The following HUWE1 variants were observed in gnomAD, a reference collection of about 807,000 sequenced individuals.
The protein encoded by HUWE1 is HECT, UBA and WWE domain containing E3 ubiquitin protein ligase 1.
Under a neutral mutation model 299.4 loss-of-function variants are expected in HUWE1, and 18 were observed. The observed-to-expected ratio is 0.06, with a 90% CI of 0.04 to 0.09. The LOEUF is 0.09. HUWE1 is among the 10% of genes least tolerant of loss of function. The pLI is 1.00. For missense variants in HUWE1, 1,832 were observed against 3,462.3 expected (o/e 0.53, Z 11.82); for synonymous variants, 1,317 against 1,286.1 (o/e 1.02, Z -0.51).
chrX:53,625,934 G>A, intron 17 of HUWE1: 1 of 384,680 alleles, frequency 2.6e-6, no homozygotes, highest in Non-Finnish European at 5.2e-6. Flanking sequence ...CAGAAGAGAT[G>A]TTAGTGCTGC....
chrX:53,542,507 C>T lies in HUWE1; in HGVS notation c.11412G>A (p.Arg3804=). 8.3e-7 allele frequency: 1 copy of T among 1,203,293 alleles called. No individual in the cohort carries two copies. The highest frequency in any genetic ancestry group is 3.0e-5 in the East Asian group (1 of 33,812). ...SESSQSEASV[R]REESPMDVDQ... is the part of the protein sequence containing the mutation. ...CCACATCCATGGGTGATTCCTCCCT[C>T]CGGACAGACGCCTCTGACTGGCTAG... is the stretch of plus-strand genomic sequence containing the variant. The change falls in exon 74 of 84, where the codon CGG becomes CGA. Residue 3804 remains arginine (R), a synonymous_variant. Transcript: ENST00000262854.
At chrX:53,585,827 T>C (rs1569472442) in intron 39 of HUWE1, among the ~76,000 whole-genome samples, 1 of 111,140 alleles carries the variant, frequency 9.0e-6, no homozygotes, top group East Asian at 2.8e-4. Context: ...GCTGGGACCA[T>C]AGGCACACAC....
rs1276841225 is a variant in HUWE1, at chrX:53,686,683, C to T, written c.-357G>A. The T allele has an allele frequency of 8.1e-6, 1 of 123,282 alleles. No individual in the cohort carries two copies. Among genetic ancestry groups the T allele is most frequent in the African/African-American group, 3.2e-5 (1 of 31,035 alleles). The allele number at this position is 123,282 out of a possible 1,213,427, so 10.2% of individuals were successfully genotyped here. ...AGCCCTGCTCCAGCCCTGCTCCAGCCCTGCTCCAGCCCTGCTCCCCTCGCT... is the reference window on the plus strand; with the variant it reads ...AGCCCTGCTCCAGCCCTGCTCCAGCTCTGCTCCAGCCCTGCTCCCCTCGCT... On this transcript the variant is annotated 5_prime_UTR_variant, in exon 1 of 84. Coordinates refer to ENST00000262854, the MANE Select transcript of HUWE1 (RefSeq NM_031407.7).
chrX:53,621,582 C>T (rs1469487562), intron 19 of HUWE1, among the ~76,000 whole-genome samples: 2 of 107,949 alleles, frequency 1.9e-5, no homozygotes, highest in Non-Finnish European at 3.8e-5. Flanking sequence ...CTTGTAACTG[C>T]CCCCACATAA....
intron 74 of HUWE1, among the ~76,000 whole-genome samples, chrX:53,540,633 T>C (rs1161281725): frequency 2.7e-5 from 3 of 112,559 alleles, no homozygotes; most frequent in African/African-American, 9.7e-5. Context: ...GGCCTTCTAA[T>C]GCCTTCTAAA....
intron 3 of HUWE1, among the ~76,000 whole-genome samples, chrX:53,661,596 A>G (rs1430986785): frequency 8.9e-6 from 1 of 111,835 alleles, no homozygotes; most frequent in Non-Finnish European, 1.9e-5. Flanking sequence ...CCATAAAAAT[A>G]AGTTAGTTTG....
chrX:53,540,331 CTT>C (rs112801686), intron 74 of HUWE1, among the ~76,000 whole-genome samples: 4 of 102,921 alleles, frequency 3.9e-5, no homozygotes, highest in Admixed American at 1.0e-4. Context: ...AGTCTAATGC[CTT>C]TTTTTTTTTT....
At chrX:53,534,275 A>T in intron 82 of HUWE1, 78 bp from the exon 83 acceptor site, 1 of 895,262 alleles carries the variant, frequency 1.1e-6, no homozygotes, top group Non-Finnish European at 1.6e-6. Flanking sequence ...AATCTAGGAA[A>T]CAGGACTGGA....
chrX:53,591,531 G>C (rs2064159399), intron 33 of HUWE1, among the ~76,000 whole-genome samples: 2 of 112,077 alleles, frequency 1.8e-5, no homozygotes, highest in African/African-American at 3.2e-5. Flanking sequence ...ATAATCATGA[G>C]ATGTATGTAA....
intron 4 of HUWE1, among the ~76,000 whole-genome samples, chrX:53,652,172 T>A (rs2073519211): frequency 8.9e-6 from 1 of 112,205 alleles, no homozygotes; most frequent in Non-Finnish European, 1.9e-5. Context: ...GCTATTGTCA[T>A]GTCTTTTTAA....
At chrX:53,568,501 T>C (rs2062676074) in intron 49 of HUWE1, among the ~76,000 whole-genome samples, 191 bp downstream of exon 49, 1 of 111,386 alleles carries the variant, frequency 9.0e-6, no homozygotes, top group Non-Finnish European at 1.9e-5. Context: ...ATCACTATTA[T>C]AGTTCAACTC....
rs2061910228 is a variant in HUWE1 at position 53,554,484 on chromosome X, T to A, written c.8494+149A>T. On this transcript the variant is annotated intron_variant, in intron 61 of 83. Coordinates refer to ENST00000262854, the MANE Select transcript of HUWE1 (RefSeq NM_031407.7). ...CACCAGTTCAGGACCTCAACTTCACTTAAGAAAGTGAATGCGCAAGACGAG... is the reference window on the plus strand; with the variant it reads ...CACCAGTTCAGGACCTCAACTTCACATAAGAAAGTGAATGCGCAAGACGAG... The A allele has an allele frequency of 5.3e-6, 3 of 564,433 alleles. No individual in the cohort carries two copies. In the East Asian group the frequency reaches 1.1e-4, roughly 20 times the overall value. 46.5% of individuals were successfully genotyped at this position (564,433 alleles called of 1,213,427 possible). A position where few individuals can be genotyped will look rare whatever the true frequency, so the allele number is the denominator to read the frequency against.
chrX:53,665,890 G>A (rs1274622195), intron 3 of HUWE1, among the ~76,000 whole-genome samples: 3 of 111,650 alleles, frequency 2.7e-5, no homozygotes, highest in African/African-American at 9.8e-5. Flanking sequence ...CCAGCACTTT[G>A]GAAGCCTGAG....
intron 28 of HUWE1, among the ~76,000 whole-genome samples, chrX:53,600,799 T>C (rs1382111184): frequency 1.8e-5 from 2 of 112,896 alleles, no homozygotes; most frequent in South Asian, 3.6e-4. Flanking sequence ...ATGAGCTTTA[T>C]GCAAACTTAT....
rs1402694494 is a variant in HUWE1 at position 53,583,874 on chromosome X, G to A, written c.5204C>T (p.Thr1735Ile). The A allele has an allele frequency of 8.3e-7, 1 of 1,207,207 alleles. No individual in the cohort carries two copies. Among genetic ancestry groups the A allele is most frequent in the Non-Finnish European group, 1.1e-6 (1 of 893,571 alleles). The change falls in exon 42 of 84, where the codon ACA (threonine) becomes ATA (isoleucine). Residue 1735 changes from threonine to isoleucine, a missense_variant. By Grantham distance (89) the Thr-to-Ile change is moderately conservative. Transcript: ENST00000262854. ...CCCGATTTTTGTTTCCTCCAGGCTT[G>A]TCTCCTTTTCAGTGTTTGTACTCTC... is the stretch of plus-strand genomic sequence containing the variant. The part of the protein sequence containing the change: ...ALESTNTEKE[T>I]SLEETKIGEI...
intron 7 of HUWE1, among the ~76,000 whole-genome samples, chrX:53,639,618 T>C (rs2067444695): frequency 8.9e-6 from 1 of 112,029 alleles, no homozygotes; most frequent in African/African-American, 3.2e-5. Context: ...AGATAATATA[T>C]AGAGAAGAAT....
At chrX:53,572,249 G>T (rs140349980) in intron 47 of HUWE1, among the ~76,000 whole-genome samples, 1 of 111,368 alleles carries the variant, frequency 9.0e-6, no homozygotes, top group Non-Finnish European at 1.9e-5. Flanking sequence ...ATTACGGCAC[G>T]AGAACTCAAG....
chrX:53,565,034 C>T (rs1451745412), intron 50 of HUWE1, 33 bp downstream of exon 50: 1 of 1,188,452 alleles, frequency 8.4e-7, no homozygotes, highest in Non-Finnish European at 1.1e-6. Context: ...CAACTACTCC[C>T]ACCTCTCCAG....
At chrX:53,660,212 T>G (rs1182865776) in intron 3 of HUWE1, among the ~76,000 whole-genome samples, 1 of 112,061 alleles carries the variant, frequency 8.9e-6, no homozygotes, top group South Asian at 3.7e-4. Context: ...ACAGCTTAGC[T>G]TGGGGTACTT....
Sources: gnomAD v4.1 joint callset for allele counts (sites outside exome capture counted in the v4.1 genomes callset) on GRCh38, gnomAD v4.1.1 for gene constraint, MANE v1.5 for transcripts, NCBI Gene and HGNC (gene_info 2026-07-23, HGNC 2026-07-21) for gene names.